The following CCDC175 variants were observed in gnomAD, a reference collection of about 807,000 sequenced individuals.
The protein encoded by CCDC175 is coiled-coil domain containing 175.
Under a neutral mutation model 114.6 loss-of-function variants are expected in CCDC175, and 100 were observed. The observed-to-expected ratio is 0.87, with a 90% CI of 0.74 to 1.03. CCDC175 has a LOEUF of 1.03. Among genes scored for constraint, CCDC175 ranks in the 50% least tolerant of loss-of-function variants. The pLI, the probability that CCDC175 is intolerant of heterozygous loss-of-function variation, is 0.00. For missense variants in CCDC175, 880 were observed against 917.8 expected (o/e 0.96, Z 0.53); for synonymous variants, 306 against 308.7 (o/e 0.99, Z 0.09).
At chr14:59,565,666 C>T (rs1896496186) in intron 4 of CCDC175, among the ~76,000 whole-genome samples, 1 of 151,930 alleles carries the variant, frequency 6.6e-6, no homozygotes, top group Non-Finnish European at 1.5e-5. Flanking sequence ...GAGATCATGC[C>T]ACTGCACTCT....
chr14:59,533,903 C>T (rs555093787), intron 13 of CCDC175, among the ~76,000 whole-genome samples: 16 of 150,536 alleles, frequency 1.1e-4, no homozygotes, highest in African/African-American at 3.7e-4. Context: ...GCAGGAGAAT[C>T]GCTTGAACCC....
rs534996427 is a variant in CCDC175 at position 59,551,372 on chromosome 14, G to A, written c.1018C>T (p.Leu340=). 123 of 1,414,740 alleles carry A rather than the reference G, an allele frequency of 8.7e-5. No homozygotes were observed. The African/African-American group carries it at 1.5e-3, about 18-fold the overall frequency. 87.6% of individuals were successfully genotyped at this position (1,414,740 alleles called of 1,614,324 possible). Residue 340 remains leucine (L), a synonymous_variant, in exon 8 of 20, where the codon CTG becomes TTG. Transcript: ENST00000537690. ...DISNDEKNEF[L]NKIKQLVETL... The stretch of plus-strand genomic sequence containing the variant: ...CTTCTTACCTGTTTTATCTTGTTCA[G>A]GAATTCATTTTTTTCATCATTAGAT...
At chr14:59,517,574 C>T (rs1893174085) in intron 17 of CCDC175, among the ~76,000 whole-genome samples, 1 of 152,134 alleles carries the variant, frequency 6.6e-6, no homozygotes, top group African/African-American at 2.4e-5. Context: ...TTCACAATTG[C>T]TTCAAAGAGA....
chr14:59,511,416 G>A (rs1331303149), intron 18 of CCDC175, among the ~76,000 whole-genome samples: 1 of 152,042 alleles, frequency 6.6e-6, no homozygotes, highest in Non-Finnish European at 1.5e-5. Flanking sequence ...AAGGAGTCCA[G>A]AACTGACAAC....
intron 17 of CCDC175, among the ~76,000 whole-genome samples, chr14:59,516,678 T>G (rs1344832482): frequency 5.3e-5 from 8 of 151,504 alleles, no homozygotes; most frequent in Non-Finnish European, 1.0e-4. Context: ...CAATAATTAA[T>G]AGCTTACCAA....
intron 17 of CCDC175, among the ~76,000 whole-genome samples, chr14:59,520,713 A>C (rs1206838092): frequency 1.3e-5 from 2 of 152,214 alleles, no homozygotes; most frequent in Non-Finnish European, 2.9e-5. Context: ...ACTTAGATGA[A>C]TCTTAAAACA....
At chr14:59,536,291 C>T (rs1284460343) in intron 13 of CCDC175, among the ~76,000 whole-genome samples, 1 of 152,044 alleles carries the variant, frequency 6.6e-6, no homozygotes, top group Non-Finnish European at 1.5e-5. Context: ...GCAGGGCACC[C>T]TGCCTTATAT....
At chr14:59,561,697 A>G (rs1896234723) in intron 6 of CCDC175, among the ~76,000 whole-genome samples, 1 of 152,222 alleles carries the variant, frequency 6.6e-6, no homozygotes, top group African/African-American at 2.4e-5. Flanking sequence ...AAAATTTAGG[A>G]AATGGAATAA....
chr14:59,515,734 C>T (rs1412410789), intron 17 of CCDC175, among the ~76,000 whole-genome samples: 2 of 152,128 alleles, frequency 1.3e-5, no homozygotes, highest in African/African-American at 2.4e-5. Context: ...TTTAACACCC[C>T]ACTGTCAACA....
rs1388109793 is a variant in CCDC175 at position 59,576,810 on chromosome 14, G to A, written c.-35C>T. 1.4e-6 allele frequency: 2 copies of A among 1,388,810 alleles called. No individual in the cohort carries two copies. Among genetic ancestry groups the A allele is most frequent in the African/African-American group, 1.5e-5 (1 of 65,664 alleles). 86.0% of individuals were successfully genotyped at this position (1,388,810 alleles called of 1,614,324 possible). ...CTACTTGAGCGCCTCCTAAGCCAGA[G>A]CCAAGGATTGCCGGTTGCCACGGGC... On this transcript the variant is annotated 5_prime_UTR_variant, in exon 1 of 20. Transcript: ENST00000537690.
intron 10 of CCDC175, among the ~76,000 whole-genome samples, chr14:59,541,368 T>C (rs566082847): frequency 1.5e-4 from 23 of 152,328 alleles, no homozygotes; most frequent in African/African-American, 4.8e-4. Context: ...GATTCCAACA[T>C]AGGTAACAGA....
chr14:59,506,953 T>C (rs1189568923), intron 19 of CCDC175, among the ~76,000 whole-genome samples: 1 of 149,218 alleles, frequency 6.7e-6, no homozygotes, highest in East Asian at 1.9e-4. Flanking sequence ...TAATATATGA[T>C]GTAATACTCA....
chr14:59,576,174 C>T (rs1897111567), intron 1 of CCDC175, among the ~76,000 whole-genome samples: 1 of 152,182 alleles, frequency 6.6e-6, no homozygotes, highest in Admixed American at 6.5e-5. Context: ...TCTTGCTCAA[C>T]ACAACAGAAG....
At chr14:59,536,463 T>C (rs1311127668) in intron 13 of CCDC175, among the ~76,000 whole-genome samples, 1 of 152,050 alleles carries the variant, frequency 6.6e-6, no homozygotes, top group Non-Finnish European at 1.5e-5. Context: ...TCCCCCGTGC[T>C]AGATAGAAAG....
chr14:59,543,439 C>A lies in CCDC175; in HGVS notation c.1188G>T (p.Leu396=), dbSNP rs1894907748. 1.4e-6 allele frequency: 2 copies of A among 1,400,706 alleles called. No individual in the cohort carries two copies. Among genetic ancestry groups the A allele is most frequent in the South Asian group, 1.5e-5 (1 of 68,344 alleles). The allele number at this position is 1,400,706 out of a possible 1,614,324, so 86.8% of individuals were successfully genotyped here. A position where few individuals can be genotyped will look rare whatever the true frequency, so the allele number is the denominator to read the frequency against. ...QKIHDENQKQ[L]TFISQKEYFL... is the part of the protein sequence containing the mutation. ...AGTATTCTTTCTGAGAAATAAATGT[C>A]AGCTGTTTCTGATTTCTATCATGAA... The change falls in exon 10 of 20, where the codon CTG becomes CTT. Residue 396 remains leucine (L), a synonymous_variant. Coordinates refer to ENST00000537690, the MANE Select transcript of CCDC175 (RefSeq NM_001164399.2).
rs1384678762 is a variant in CCDC175 at position 59,516,935 on chromosome 14, T to A, written c.2098+4639A>T. On this transcript the variant is annotated intron_variant, in intron 17 of 19. Transcript: ENST00000537690. The stretch of plus-strand genomic sequence containing the variant: ...AAAATCCTCACTAAAATACTGGCAA[T>A]CCGAATCCAGCAGCACATCAAAAAG... 1.2e-4 allele frequency among the ~76,000 whole-genome samples: 18 copies of A among 152,120 alleles called. 1 individual carries two copies. The East Asian group carries it at 3.1e-3, about 26-fold the overall frequency.
chr14:59,523,849 C>T (rs1226047695), intron 16 of CCDC175, among the ~76,000 whole-genome samples: 1 of 152,082 alleles, frequency 6.6e-6, no homozygotes, highest in Admixed American at 6.5e-5. Flanking sequence ...ATTAGCCGGG[C>T]ATGGTGGCGG....
chr14:59,515,145 C>T (rs542274351), intron 17 of CCDC175, among the ~76,000 whole-genome samples: 13 of 152,122 alleles, frequency 8.5e-5, no homozygotes, highest in Non-Finnish European at 1.5e-4. Flanking sequence ...CAGGCCTGCC[C>T]TACAAGAGCT....
intron 12 of CCDC175, among the ~76,000 whole-genome samples, 195 bp from the exon 13 acceptor site, chr14:59,538,349 A>T (rs1472930079): frequency 6.6e-6 from 1 of 152,164 alleles, no homozygotes; most frequent in African/African-American, 2.4e-5. Flanking sequence ...ATTTTTATAA[A>T]TATGACATGA....
Sources: gnomAD v4.1 joint callset for allele counts (sites outside exome capture counted in the v4.1 genomes callset) on GRCh38, gnomAD v4.1.1 for gene constraint, MANE v1.5 for transcripts, NCBI Gene and HGNC (gene_info 2026-07-23, HGNC 2026-07-21) for gene names.